Variants in AMN1 observed in about 807,000 individuals in gnomAD.
AMN1 encodes antagonist of mitotic exit network 1 homolog.
A neutral mutation model predicts 33.0 loss-of-function variants in AMN1; 20 were observed. The ratio of observed to expected loss-of-function variants is 0.61; its 90% CI spans 0.43 to 0.88. The LOEUF (loss-of-function observed/expected upper bound fraction) is 0.88. Ranked by LOEUF, AMN1 falls within the 40% of genes least tolerant of loss-of-function variation. The probability of loss-of-function intolerance (pLI) is 0.00; values close to 1 mark genes in which losing one functional copy is unlikely to be tolerated. For synonymous variants in AMN1, 114 were observed against 111.9 expected, an observed-to-expected ratio of 1.02 and a Z score of -0.12; for missense variants, 246 against 307.4, an observed-to-expected ratio of 0.80 and a Z score of 1.49.
At chr12:31,678,394 C>CTTT (rs71062449) in intron 6 of AMN1, among the ~76,000 whole-genome samples, 1 of 146,384 alleles carries the variant, frequency 6.8e-6, no homozygotes. Context: ...GAAATACAAA[C>CTTT]TTTTTTTTTT....
chr12:31,687,964 G>C lies in AMN1; in HGVS notation c.703+1043C>G, dbSNP rs144236795. On this transcript the variant is annotated intron_variant, in intron 6 of 6. Coordinates refer to ENST00000281471, the MANE Select transcript of AMN1 (RefSeq NM_001113402.2). This position sits in a 1 kb window ranked among gnomAD's most constrained non-coding sequence, Gnocchi z 4.1. The stretch of plus-strand genomic sequence containing the variant: ...TCCAAATTTTTCTGACTTTTTGTTT[G>C]TTTGTTTGAGACGGAGTTTCGCTCT... Among the ~76,000 whole-genome samples, 2 of 152,194 alleles carry C rather than the reference G, an allele frequency of 1.3e-5. No individual in the cohort carries two copies. The highest frequency in any genetic ancestry group is 4.8e-5 in the African/African-American group (2 of 41,540).
At chr12:31,689,892 T>C (rs1938429246) in intron 5 of AMN1, among the ~76,000 whole-genome samples, 1 of 152,174 alleles carries the variant, frequency 6.6e-6, no homozygotes, top group Non-Finnish European at 1.5e-5. Context: ...ATTTTTAGTC[T>C]TTTACCCCTC....
In AMN1 at chr12:31,728,958, A is replaced by G. The variant is rs1004407993; in HGVS notation, c.38+13T>C. The G allele has an allele frequency of 1.9e-6, 3 of 1,544,222 alleles. No individual in the cohort carries two copies. Among genetic ancestry groups the G allele is most frequent in the Non-Finnish European group, 1.8e-6 (2 of 1,142,306 alleles). Reference sequence around the variant, plus strand: ...GGGGCGGCGCGAAGGGAGGCGGGACAGGGTAGACTCACAGATCCAGGAGCT... The same window carrying G: ...GGGGCGGCGCGAAGGGAGGCGGGACGGGGTAGACTCACAGATCCAGGAGCT... On this transcript the variant is annotated intron_variant, in intron 1 of 6. Transcript: ENST00000281471.
chr12:31,700,699 T>A lies in AMN1; in HGVS notation c.316+1164A>T, dbSNP rs190896530. On this transcript the variant is annotated intron_variant, in intron 3 of 6. Coordinates refer to ENST00000281471, the MANE Select transcript of AMN1 (RefSeq NM_001113402.2). The stretch of plus-strand genomic sequence containing the variant: ...TTTTAGTTTTAATTTTAATTTTATT[T>A]ATTTTTTTGAGACGGAGTCTTGCTC... Among the ~76,000 whole-genome samples the A allele has an allele frequency of 6.2e-4, 94 of 152,304 alleles. 1 individual carries two copies. Among genetic ancestry groups the A allele is most frequent in the Non-Finnish European group, 1.0e-3 (70 of 68,028 alleles).
chr12:31,720,240 C>A (rs564639483), intron 1 of AMN1, among the ~76,000 whole-genome samples: 2 of 152,198 alleles, frequency 1.3e-5, no homozygotes, highest in African/African-American at 4.8e-5. Flanking sequence ...AAACTTATCT[C>A]TATTAAGAAG....
intron 1 of AMN1, among the ~76,000 whole-genome samples, chr12:31,725,442 C>T (rs186416015): frequency 2.0e-5 from 3 of 152,254 alleles, no homozygotes; most frequent in African/African-American, 4.8e-5. Flanking sequence ...AGTTGCTCTA[C>T]GTTTTATACT....
chr12:31,691,127 G>T (rs1228971320), intron 5 of AMN1, among the ~76,000 whole-genome samples: 1 of 110,010 alleles, frequency 9.1e-6, no homozygotes, highest in Non-Finnish European at 1.8e-5. Flanking sequence ...GATAGAGCAA[G>T]ACTCCGTCTC....
intron 6 of AMN1, chr12:31,673,758 A>C (rs1951330039): frequency 3.1e-6 from 1 of 323,694 alleles, no homozygotes; most frequent in African/African-American, 2.2e-5. Flanking sequence ...CAGCCACTAG[A>C]AGAAAGGATT....
intron 1 of AMN1, among the ~76,000 whole-genome samples, chr12:31,717,840 T>A (rs2139724367): frequency 6.6e-6 from 1 of 152,262 alleles, no homozygotes; most frequent in Admixed American, 6.5e-5. Flanking sequence ...CTGCATGCAC[T>A]AGGTATTTGT....
At chr12:31,679,774 G>A (rs1937912231) in intron 6 of AMN1, among the ~76,000 whole-genome samples, 1 of 152,084 alleles carries the variant, frequency 6.6e-6, no homozygotes, top group Non-Finnish European at 1.5e-5. Context: ...GATTAGCAAA[G>A]GTATGTGAGG....
chr12:31,672,398 A>G (rs770729610), intron 6 of AMN1, 21 bp from the exon 7 acceptor site: 1 of 1,498,904 alleles, frequency 6.7e-7, no homozygotes, highest in South Asian at 1.2e-5. Context: ...AAACAATGAC[A>G]ATATATTAAT....
intron 1 of AMN1, among the ~76,000 whole-genome samples, chr12:31,722,437 G>A (rs1045496581): frequency 3.3e-5 from 5 of 151,948 alleles, no homozygotes; most frequent in African/African-American, 1.2e-4. Context: ...GAAGTAAAAC[G>A]GACTTTTAAA....
intron 6 of AMN1, among the ~76,000 whole-genome samples, chr12:31,686,163 A>G (rs1463767577): frequency 1.3e-5 from 2 of 152,166 alleles, no homozygotes; most frequent in African/African-American, 4.8e-5. Context: ...ACTGGTATTT[A>G]GGCCAGGCAT....
intron 3 of AMN1, among the ~76,000 whole-genome samples, chr12:31,699,111 A>C (rs1905401): frequency 0.96 from 145,957 of 151,966 alleles, 70,382 homozygotes; most frequent in East Asian, 1. Flanking sequence ...AACTCTTGGG[A>C]CGGGTGTGGT....
At chr12:31,675,407 A>G (rs1951365875) in intron 6 of AMN1, among the ~76,000 whole-genome samples, 1 of 151,794 alleles carries the variant, frequency 6.6e-6, no homozygotes, top group Admixed American at 6.5e-5. Context: ...GCAACAGAGC[A>G]AGACCCTGTC....
chr12:31,705,001 A>G (rs537569584), intron 2 of AMN1, among the ~76,000 whole-genome samples: 1 of 152,338 alleles, frequency 6.6e-6, no homozygotes, highest in East Asian at 1.9e-4. Flanking sequence ...CTTCAACAGA[A>G]CCATCAACAA....
At chr12:31,702,466 T>C (rs1262618948) in intron 2 of AMN1, among the ~76,000 whole-genome samples, 1 of 152,152 alleles carries the variant, frequency 6.6e-6, no homozygotes, top group East Asian at 1.9e-4. Flanking sequence ...TTTTGGGAGC[T>C]AATAAAATAC....
At chr12:31,672,578 T>A in intron 6 of AMN1, 1 of 466,788 alleles carries the variant, frequency 2.1e-6, no homozygotes, top group East Asian at 3.4e-5. Context: ...AGTGCACCTA[T>A]CATGGTATTA....
chr12:31,704,432 G>A (rs928857136), intron 2 of AMN1, among the ~76,000 whole-genome samples: 4 of 150,454 alleles, frequency 2.7e-5, no homozygotes, highest in African/African-American at 9.7e-5. Context: ...ATATTGTCAA[G>A]ATAAAAAAGC....
Sources: allele counts gnomAD v4.1 joint callset (sites outside exome capture counted in the v4.1 genomes callset), GRCh38; gene constraint gnomAD v4.1.1; non-coding constraint Gnocchi (gnomAD v3.1); transcripts MANE v1.5; gene names NCBI Gene and HGNC (gene_info 2026-07-23, HGNC 2026-07-21).